The following PTPRF variants were observed in gnomAD, a reference collection of about 807,000 sequenced individuals.
PTPRF encodes the protein receptor-type tyrosine-protein phosphatase F.
A neutral mutation model predicts 201.8 loss-of-function variants in PTPRF; 59 were observed. The ratio of observed to expected loss-of-function variants is 0.29; its 90% CI spans 0.24 to 0.36. The LOEUF is 0.36. Ranked by LOEUF, PTPRF falls within the 10% of genes least tolerant of loss-of-function variation. PTPRF has a pLI of 1.00. For missense variants in PTPRF, 2,132 were observed against 2,690.5 expected (o/e 0.79, Z 4.59); for synonymous variants, 1,088 against 1,089.7 (o/e 1.00, Z 0.03).
rs758417661 is a variant in PTPRF, at chr1:43,621,988, C to T, written c.5709C>T (p.Asp1903=). 3.7e-6 allele frequency: 6 copies of T among 1,614,138 alleles called. No individual in the cohort carries two copies. Among genetic ancestry groups the T allele is most frequent in the Non-Finnish European group, 5.1e-6 (6 of 1,180,008 alleles). Reference sequence around the variant, plus strand: ...CCCTGGAGTACCTCGGCAGCTTTGACCACTATGCAACGTAACTACCGCTCC... The same window carrying T: ...CCCTGGAGTACCTCGGCAGCTTTGATCACTATGCAACGTAACTACCGCTCC... ...RAALEYLGSF[D]HYAT Residue 1903 remains aspartate, a synonymous_variant, in exon 34 of 34, where the codon GAC becomes GAT. Coordinates refer to ENST00000359947, the MANE Select transcript of PTPRF (RefSeq NM_002840.5).
Position 43,605,634 on chromosome 1 carries a change from G to C in PTPRF, c.3483+12G>C, listed in dbSNP as rs971055889. The C allele has an allele frequency of 3.1e-6, 5 of 1,612,670 alleles. No individual in the cohort carries two copies. The African/African-American group carries it at 4.0e-5, about 13-fold the overall frequency. On this transcript the variant is annotated intron_variant, in intron 19 of 33. Transcript: ENST00000359947. ...TGGAGCTGGACGAGGTACCTGGGGA[G>C]GGGATGGGGACACTGACAGCCCCAT...
intron 6 of PTPRF, among the ~76,000 whole-genome samples, chr1:43,574,722 G>T (rs1349981423): frequency 1.3e-5 from 2 of 152,212 alleles, no homozygotes; most frequent in African/African-American, 4.8e-5. Flanking sequence ...TCATTGTGCG[G>T]ATTCTTCCCA....
chr1:43,588,168 C>T lies in PTPRF; in HGVS notation c.680-563C>T, dbSNP rs553094109. The stretch of plus-strand genomic sequence containing the variant: ...TGAGCATGGCTGAGACCCTGGCAGG[C>T]GGCCCTGCTGCTTGCCTTATTTCTT... On this transcript the variant is annotated intron_variant, in intron 7 of 33. Transcript: ENST00000359947. This position sits in a 1 kb window ranked among gnomAD's most constrained non-coding sequence, Gnocchi z 5.3. 1.1e-4 allele frequency among the ~76,000 whole-genome samples: 17 copies of T among 152,288 alleles called. No individual in the cohort carries two copies. In the East Asian group the frequency reaches 2.7e-3, roughly 24 times the overall value.
upstream of PTPRF, among the ~76,000 whole-genome samples, chr1:43,522,801 G>A (rs75341441): frequency 7.7e-3 from 1,168 of 152,294 alleles, 12 homozygotes; most frequent in Middle Eastern, 0.054. Context: ...AACCAGAAGC[G>A]TTGTGTTGGA....
intron 7 of PTPRF, chr1:43,582,954 G>A (rs566751974): frequency 2.0e-4 from 112 of 553,814 alleles, no homozygotes; most frequent in Admixed American, 1.3e-3. Flanking sequence ...GTCTCGTCTC[G>A]TCTCCGTGCT....
chr1:43,611,782 G>C (rs914413373), intron 22 of PTPRF, among the ~76,000 whole-genome samples: 1 of 152,214 alleles, frequency 6.6e-6, no homozygotes, highest in African/African-American at 2.4e-5. Context: ...CAGAGTCCGG[G>C]CTTAAGCCCA....
intron 1 of PTPRF, among the ~76,000 whole-genome samples, chr1:43,534,970 G>A (rs1300300861): frequency 1.3e-5 from 2 of 152,222 alleles, no homozygotes; most frequent in African/African-American, 4.8e-5. Flanking sequence ...TATGCATAAA[G>A]TGTGTGTAGC....
At chr1:43,610,110 C>T (rs556635309) in intron 22 of PTPRF, among the ~76,000 whole-genome samples, 12 of 152,316 alleles carry the variant, frequency 7.9e-5, no homozygotes, top group East Asian at 1.9e-4. Context: ...CTCTTCTTGG[C>T]TCCAGGAACC....
chr1:43,564,380 T>TCATGTGTCTCGTCCCTG (rs1646013712), intron 5 of PTPRF, among the ~76,000 whole-genome samples: 1 of 152,136 alleles, frequency 6.6e-6, no homozygotes, highest in Non-Finnish European at 1.5e-5. Context: ...CGAGGTTCCT[T>TCATGTGTCTCGTCCCTG]CATGTGTCTC....
chr1:43,592,001 G>T, intron 10 of PTPRF, 53 bp downstream of exon 10: 1 of 1,604,818 alleles, frequency 6.2e-7, no homozygotes. Flanking sequence ...CTGAGGGTCT[G>T]TGATGGGCTT....
chr1:43,611,322 G>A (rs1656395401), intron 22 of PTPRF, among the ~76,000 whole-genome samples: 1 of 152,262 alleles, frequency 6.6e-6, no homozygotes, highest in Non-Finnish European at 1.5e-5. Flanking sequence ...GGGATGGGAT[G>A]CTGAGCCATG....
At chr1:43,595,580 C>T (rs1173715136) in intron 11 of PTPRF, among the ~76,000 whole-genome samples, 1 of 151,944 alleles carries the variant, frequency 6.6e-6, no homozygotes, top group African/African-American at 2.4e-5. Flanking sequence ...TGGAAACAGT[C>T]AATAGGAAAA....
chr1:43,599,296 G>T (rs1205060801), intron 13 of PTPRF, among the ~76,000 whole-genome samples: 2 of 152,100 alleles, frequency 1.3e-5, no homozygotes, highest in African/African-American at 4.8e-5. Flanking sequence ...GGCTGGTCTC[G>T]AACTCCTGAC....
intron 11 of PTPRF, among the ~76,000 whole-genome samples, chr1:43,595,552 A>G (rs1002617988): frequency 2.0e-5 from 3 of 152,202 alleles, no homozygotes; most frequent in African/African-American, 7.2e-5. Context: ...GAAAATTTCA[A>G]GCATATTTAA....
upstream of PTPRF, among the ~76,000 whole-genome samples, chr1:43,522,176 C>T (rs1006793732): frequency 6.6e-6 from 1 of 152,216 alleles, no homozygotes; most frequent in Admixed American, 6.5e-5. Context: ...TAATAAATCA[C>T]TTCATCTCAG....
intron 13 of PTPRF, 42 bp from the exon 14 acceptor site, chr1:43,602,029 T>C (rs1280220102): frequency 1.2e-6 from 2 of 1,602,016 alleles, no homozygotes; most frequent in East Asian, 4.5e-5. Flanking sequence ...GTCAGAGTCC[T>C]TCACCATCCT....
chr1:43,589,127 C>A, intron 8 of PTPRF, 127 bp downstream of exon 8: 1 of 1,194,134 alleles, frequency 8.4e-7, no homozygotes, highest in African/African-American at 1.6e-5. Context: ...TCCTGGGTGT[C>A]CCTGCCCTGG....
intron 23 of PTPRF, among the ~76,000 whole-genome samples, chr1:43,615,510 C>T (rs1657544692): frequency 1.3e-5 from 2 of 149,790 alleles, no homozygotes; most frequent in South Asian, 4.4e-4. Context: ...CCCAAGGCTG[C>T]CGTGGGCTCT....
intron 22 of PTPRF, chr1:43,612,752 G>GT (rs769373327): frequency 1.8e-5 from 24 of 1,364,352 alleles, no homozygotes; most frequent in Admixed American, 7.6e-5. Flanking sequence ...TTGTTTGTTT[G>GT]TTTTTTTCTC....
Sources: allele counts gnomAD v4.1 joint callset (sites outside exome capture counted in the v4.1 genomes callset), GRCh38; gene constraint gnomAD v4.1.1; non-coding constraint Gnocchi (gnomAD v3.1); transcripts MANE v1.5; gene names NCBI Gene and HGNC (gene_info 2026-07-23, HGNC 2026-07-21).